The following DNER variants were observed in gnomAD, a reference collection of about 807,000 sequenced individuals.
DNER encodes delta and Notch-like epidermal growth factor-related receptor.
A neutral mutation model predicts 78.2 loss-of-function variants in DNER; 33 were observed. The ratio of observed to expected loss-of-function variants is 0.42; its 90% CI spans 0.32 to 0.56. The LOEUF is 0.56. Among genes scored for constraint, DNER ranks in the 20% least tolerant of loss-of-function variants. The probability of loss-of-function intolerance (pLI) is 0.11; values close to 1 mark genes in which losing one functional copy is unlikely to be tolerated. For synonymous variants in DNER, 417 were observed against 384.8 expected (o/e 1.08, Z -0.98); for missense variants, 918 against 975.3 (o/e 0.94, Z 0.78).
At chr2:229,519,899 G>A (rs371834159) in intron 5 of DNER, among the ~76,000 whole-genome samples, 11 of 152,268 alleles carry the variant, frequency 7.2e-5, no homozygotes, top group South Asian at 6.2e-4. Flanking sequence ...CCTTTGGTTC[G>A]CTGATTCTAA....
intron 4 of DNER, among the ~76,000 whole-genome samples, chr2:229,553,773 T>G (rs1043066251): frequency 2.0e-5 from 3 of 152,150 alleles, no homozygotes; most frequent in African/African-American, 7.2e-5. Context: ...CTGCCAACGA[T>G]AACAACTCTA....
intron 4 of DNER, among the ~76,000 whole-genome samples, chr2:229,576,205 A>C (rs776503644): frequency 2.6e-5 from 4 of 152,130 alleles, no homozygotes; most frequent in Non-Finnish European, 5.9e-5. Context: ...GAAAGATGTT[A>C]ATGATTCTAT....
Position 229,366,938 on chromosome 2 carries a change from C to T in DNER, c.2037G>A (p.Glu679=). Residue 679 remains glutamate (E), a synonymous_variant, in exon 12 of 13, where the codon GAG becomes GAA. Transcript: ENST00000341772. ...TGTCGATGCTGCGGCAGTTGTAGAA[C>T]TCCTCATAGGCTGGCCTGGAAGAAC... ...YQGSSRPAYE[E]FYNCRSIDSE... is the part of the protein sequence containing the mutation. 1 of 1,614,182 alleles carries T rather than the reference C, an allele frequency of 6.2e-7. No individual in the cohort carries two copies. The highest frequency in any genetic ancestry group is 1.3e-5 in the African/African-American group (1 of 75,042).
At chr2:229,418,793 C>T (rs1035835119) in intron 8 of DNER, among the ~76,000 whole-genome samples, 13 of 151,922 alleles carry the variant, frequency 8.6e-5, no homozygotes, top group Admixed American at 5.3e-4. Context: ...TGGTGGCGGG[C>T]GCCTGTAATC....
intron 6 of DNER, among the ~76,000 whole-genome samples, chr2:229,480,448 T>G (rs1695133019): frequency 6.6e-6 from 1 of 152,228 alleles, no homozygotes; most frequent in South Asian, 2.1e-4. Context: ...TTATTTATAT[T>G]TAATAATATC....
chr2:229,503,987 G>T (rs143414163), intron 6 of DNER, among the ~76,000 whole-genome samples: 2,936 of 152,126 alleles, frequency 0.019, 132 homozygotes, highest in East Asian at 0.16. Context: ...CAAGTGATCT[G>T]CCCACCTTGG....
At chr2:229,680,850 G>T (rs896271774) in intron 1 of DNER, among the ~76,000 whole-genome samples, 1 of 152,158 alleles carries the variant, frequency 6.6e-6, no homozygotes, top group Non-Finnish European at 1.5e-5. Flanking sequence ...CAAAAGACAG[G>T]TATATATTCA....
chr2:229,370,888 T>C (rs1692465834), intron 11 of DNER, among the ~76,000 whole-genome samples: 1 of 152,186 alleles, frequency 6.6e-6, no homozygotes, highest in Non-Finnish European at 1.5e-5. Context: ...ACATCAATTG[T>C]GTATACACAG....
intron 11 of DNER, among the ~76,000 whole-genome samples, chr2:229,382,172 G>T (rs1692753795): frequency 6.6e-6 from 1 of 152,200 alleles, no homozygotes; most frequent in Non-Finnish European, 1.5e-5. Flanking sequence ...CAGCAGAGGG[G>T]TCTGACTGTT....
In DNER at chr2:229,629,745, G is replaced by C. The variant is rs137921912; in HGVS notation, c.277-37857C>G. Among the ~76,000 whole-genome samples the C allele has an allele frequency of 3.2e-4, 49 of 152,348 alleles. No homozygotes were observed. In the East Asian group the frequency reaches 9.4e-3, roughly 29 times the overall value. On this transcript the variant is annotated intron_variant, in intron 1 of 12. Coordinates refer to ENST00000341772, the MANE Select transcript of DNER (RefSeq NM_139072.4). ...AGTCTTCGCTGGGCATTCTGGGACAGCACCCAGAAATGCAGTGAGGTGGCA... is the reference window on the plus strand; with the variant it reads ...AGTCTTCGCTGGGCATTCTGGGACACCACCCAGAAATGCAGTGAGGTGGCA...
At chr2:229,415,490 A>T (rs1693628766) in intron 9 of DNER, among the ~76,000 whole-genome samples, 1 of 152,196 alleles carries the variant, frequency 6.6e-6, no homozygotes, top group Non-Finnish European at 1.5e-5. Context: ...GCAGCAATAG[A>T]TAGCTGATAC....
intron 6 of DNER, among the ~76,000 whole-genome samples, chr2:229,511,899 G>A (rs748279942): frequency 6.0e-4 from 91 of 152,188 alleles, no homozygotes; most frequent in Non-Finnish European, 9.7e-4. Context: ...ATTACATAAA[G>A]CATAGACTGA....
In DNER at chr2:229,576,177, A is replaced by T. The variant is rs73998280; in HGVS notation, c.847+9681T>A. Reference sequence around the variant, plus strand: ...AAGGTGAAATATTTGCATTTTTTTTAAATCTTAAGTTTTCAGTGAAAGATG... The same window carrying T: ...AAGGTGAAATATTTGCATTTTTTTTTAATCTTAAGTTTTCAGTGAAAGATG... On this transcript the variant is annotated intron_variant, in intron 4 of 12. Coordinates refer to ENST00000341772, the MANE Select transcript of DNER (RefSeq NM_139072.4). Among the ~76,000 whole-genome samples, 1,453 of 152,198 alleles carry T rather than the reference A, an allele frequency of 9.5e-3. 35 individuals are homozygous for T. Among genetic ancestry groups the T allele is most frequent in the African/African-American group, 0.033 (1,375 of 41,508 alleles).
At chr2:229,392,789 A>T (rs974239538) in intron 10 of DNER, among the ~76,000 whole-genome samples, 13 of 152,146 alleles carry the variant, frequency 8.5e-5, no homozygotes, top group Non-Finnish European at 1.5e-4. Context: ...CCTTGAAAGG[A>T]TTAATTAGGT....
chr2:229,441,708 T>C (rs1184376923), intron 8 of DNER, among the ~76,000 whole-genome samples: 2 of 152,214 alleles, frequency 1.3e-5, no homozygotes, highest in African/African-American at 4.8e-5. Context: ...TGTTTTTGTA[T>C]TGGACAAAAT....
At chr2:229,665,155 A>T (rs1263721443) in intron 1 of DNER, among the ~76,000 whole-genome samples, 1 of 152,224 alleles carries the variant, frequency 6.6e-6, no homozygotes, top group Non-Finnish European at 1.5e-5. Flanking sequence ...TCAGATTTTA[A>T]AGGCCTAAGG....
At chr2:229,487,066 G>A (rs1412140509) in intron 6 of DNER, among the ~76,000 whole-genome samples, 1 of 152,062 alleles carries the variant, frequency 6.6e-6, no homozygotes, top group Non-Finnish European at 1.5e-5. Flanking sequence ...AAATTACAGA[G>A]GACAAAAATC....
At chr2:229,568,270 T>C (rs1697148929) in intron 4 of DNER, among the ~76,000 whole-genome samples, 2 of 152,202 alleles carry the variant, frequency 1.3e-5, no homozygotes, top group Non-Finnish European at 2.9e-5. Flanking sequence ...AAGCTGGACT[T>C]GAACTCCTGG....
chr2:229,365,994 A>G (rs1160669468), intron 12 of DNER, among the ~76,000 whole-genome samples: 1 of 152,214 alleles, frequency 6.6e-6, no homozygotes, highest in African/African-American at 2.4e-5. Flanking sequence ...TGATTGTTTA[A>G]TGTTATATAA....
Sources: gnomAD v4.1 joint callset for allele counts (sites outside exome capture counted in the v4.1 genomes callset) on GRCh38, gnomAD v4.1.1 for gene constraint, MANE v1.5 for transcripts, NCBI Gene and HGNC (gene_info 2026-07-23, HGNC 2026-07-21) for gene names.